The following TAS2R1 variants were observed in gnomAD, a reference collection of about 807,000 sequenced individuals.
TAS2R1 encodes taste receptor type 2 member 1.
For missense variants in TAS2R1, 370 were observed against 353.4 expected (o/e 1.05, Z -0.38); for synonymous variants, 141 against 134.2 (o/e 1.05, Z -0.35).
At chr5:9,716,679 A>C (rs1734819510), upstream of TAS2R1, among the ~76,000 whole-genome samples, 1 of 152,170 alleles carries the variant, frequency 6.6e-6, no homozygotes, top group South Asian at 2.1e-4. Context: ...CTAGGGGTAC[A>C]GAATTCCTCA....
the TAS2R1 span, among the ~76,000 whole-genome samples, chr5:9,782,456 T>TG: frequency 6.2e-4 from 2 of 3,214 alleles, no homozygotes; most frequent in African/African-American, 4.3e-3. Context: ...TCCTGATGGG[T>TG]GGGGCGGGGC....
the TAS2R1 span, among the ~76,000 whole-genome samples, chr5:9,802,671 G>C: frequency 6.6e-6 from 1 of 152,154 alleles, no homozygotes; most frequent in Non-Finnish European, 1.5e-5. Flanking sequence ...CGGAGGCCAA[G>C]GCAGGCGGAT....
rs1211594204 is a variant in TAS2R1, at chr5:9,627,679, C to T, written c.*1454G>A. Among the ~76,000 whole-genome samples the T allele has an allele frequency of 6.6e-6, 1 of 152,204 alleles. No homozygotes were observed. The highest frequency in any genetic ancestry group is 1.5e-5 in the Non-Finnish European group (1 of 68,042). ...AGAAGCAATAATTACACCCAGGATA[C>T]AACTGATCTTCCCACAGCTGGCTTC... On this transcript the variant is annotated 3_prime_UTR_variant, in exon 1 of 1. Transcript: ENST00000382492.
At chr5:9,781,553 C>A in the TAS2R1 span, among the ~76,000 whole-genome samples, 1 of 152,160 alleles carries the variant, frequency 6.6e-6, no homozygotes, top group Non-Finnish European at 1.5e-5. Flanking sequence ...AGGCACAGTC[C>A]CTGCCCAGGA....
intron 1 of TAS2R1, among the ~76,000 whole-genome samples, chr5:9,696,921 G>C (rs1418120535): frequency 6.6e-6 from 1 of 152,176 alleles, no homozygotes; most frequent in Non-Finnish European, 1.5e-5. Context: ...GCTGAGGCAG[G>C]AGAATTGCTT....
the TAS2R1 span, among the ~76,000 whole-genome samples, chr5:9,730,886 T>A: frequency 3.3e-5 from 5 of 152,204 alleles, no homozygotes; most frequent in Non-Finnish European, 5.9e-5. Context: ...CCTTTTCTCT[T>A]GGCTCTCATT....
At chr5:9,649,588 CA>C (rs947103760) in intron 2 of TAS2R1, among the ~76,000 whole-genome samples, 1 of 152,142 alleles carries the variant, frequency 6.6e-6, no homozygotes, top group Non-Finnish European at 1.5e-5. Context: ...TCAGCAATAA[CA>C]TGTCCAAGGG....
At chr5:9,663,100 T>C (rs1306648574) in intron 1 of TAS2R1, among the ~76,000 whole-genome samples, 1 of 151,682 alleles carries the variant, frequency 6.6e-6, no homozygotes, top group Non-Finnish European at 1.5e-5. Flanking sequence ...TTGCATGCTA[T>C]TCTATACTAT....
the TAS2R1 span, among the ~76,000 whole-genome samples, chr5:9,771,523 G>A: frequency 6.6e-6 from 1 of 152,068 alleles, no homozygotes; most frequent in African/African-American, 2.4e-5. Context: ...GGTAAAAGTG[G>A]CCTTATAGAA....
At chr5:9,631,176 A>C (rs1406468504), upstream of TAS2R1, among the ~76,000 whole-genome samples, 1 of 152,188 alleles carries the variant, frequency 6.6e-6, no homozygotes, top group Non-Finnish European at 1.5e-5. Flanking sequence ...TATAGTTTGT[A>C]CCTTCCAGTT....
the TAS2R1 span, among the ~76,000 whole-genome samples, chr5:9,794,015 T>C: frequency 2.0e-5 from 3 of 152,298 alleles, no homozygotes; most frequent in African/African-American, 4.8e-5. Flanking sequence ...ATTAATACTT[T>C]GTGTTGAATT....
chr5:9,718,652 T>C, the TAS2R1 span, among the ~76,000 whole-genome samples: 2 of 152,030 alleles, frequency 1.3e-5, no homozygotes, highest in East Asian at 3.9e-4. Context: ...ACAAATCAAA[T>C]CAGGCAGTTA....
rs546745983 is a variant in TAS2R1, at chr5:9,668,030, A to G, written c.-241-8449T>C. Among the ~76,000 whole-genome samples, 8 of 152,318 alleles carry G rather than the reference A, an allele frequency of 5.3e-5. No homozygotes were observed. The South Asian group carries it at 1.7e-3, about 32-fold the overall frequency. ...CAAGGAATCTAAGGAATGCAGTAACATGATGCAGGAGATAAAAAACAAAAT... is the reference window on the plus strand; with the variant it reads ...CAAGGAATCTAAGGAATGCAGTAACGTGATGCAGGAGATAAAAAACAAAAT... On this transcript the variant is annotated intron_variant, in intron 1 of 2. Coordinates refer to the TAS2R1 transcript ENST00000506620.
chr5:9,768,571 T>C, the TAS2R1 span, among the ~76,000 whole-genome samples: 1 of 152,208 alleles, frequency 6.6e-6, no homozygotes, highest in East Asian at 1.9e-4. Context: ...TCCTCCTCCT[T>C]CGCCTCCTTG....
chr5:9,884,493 A>T, the TAS2R1 span, among the ~76,000 whole-genome samples: 1 of 150,888 alleles, frequency 6.6e-6, no homozygotes, highest in East Asian at 2.0e-4. Context: ...AAAAAAAAAA[A>T]AGTCCCCACC....
the TAS2R1 span, among the ~76,000 whole-genome samples, chr5:9,725,160 G>A: frequency 1.3e-5 from 2 of 152,232 alleles, no homozygotes; most frequent in South Asian, 2.1e-4. Context: ...TGGTGACAGC[G>A]AGCCCTTGCT....
chr5:9,672,408 A>G (rs440295), intron 1 of TAS2R1, among the ~76,000 whole-genome samples: 51,612 of 151,980 alleles, frequency 0.34, 9,589 homozygotes, highest in Non-Finnish European at 0.43. Context: ...AATGTCCAGA[A>G]TCTATACGGA....
chr5:9,644,089 A>G (rs939249850), intron 2 of TAS2R1, among the ~76,000 whole-genome samples: 1 of 152,196 alleles, frequency 6.6e-6, no homozygotes, highest in Non-Finnish European at 1.5e-5. Flanking sequence ...AGGGGAAGGC[A>G]TGGAGACTGC....
the TAS2R1 span, among the ~76,000 whole-genome samples, chr5:9,744,330 C>T: frequency 6.6e-6 from 1 of 152,176 alleles, no homozygotes; most frequent in Non-Finnish European, 1.5e-5. Context: ...CATAGGTACT[C>T]TGTCAATATG....
Sources: allele counts gnomAD v4.1 joint callset (sites outside exome capture counted in the v4.1 genomes callset), GRCh38; gene constraint gnomAD v4.1.1; transcripts MANE v1.5; gene names NCBI Gene and HGNC (gene_info 2026-07-23, HGNC 2026-07-21).